Variants in RBM20 observed in about 807,000 individuals in gnomAD.
RBM20 encodes the protein RNA binding motif protein 20, also known as RNA-binding protein 20.
A neutral mutation model predicts 110.1 loss-of-function variants in RBM20; 51 were observed. That is an observed-to-expected ratio of 0.46 (90% confidence interval 0.37 to 0.59). The LOEUF (loss-of-function observed/expected upper bound fraction) is 0.59, where lower values mean the gene tolerates loss of function less well. Among genes scored for constraint, RBM20 ranks in the 20% least tolerant of loss-of-function variants. The pLI, the probability that RBM20 is intolerant of heterozygous loss-of-function variation, is 0.00. For synonymous variants in RBM20, 589 were observed against 618.2 expected (o/e 0.95, Z 0.70); for missense variants, 1,512 against 1,574.9 (o/e 0.96, Z 0.68).
intron 1 of RBM20, among the ~76,000 whole-genome samples, chr10:110,759,075 G>A (rs1186369466): frequency 1.3e-5 from 2 of 152,208 alleles, no homozygotes; most frequent in Admixed American, 6.5e-5. Context: ...ATTCCACATT[G>A]GCTGACTCAC....
intron 1 of RBM20, among the ~76,000 whole-genome samples, chr10:110,740,369 CTTAATGCA>C (rs1356350317): frequency 6.6e-6 from 1 of 152,082 alleles, no homozygotes; most frequent in Non-Finnish European, 1.5e-5. Context: ...TCAGCCAAAC[CTTAATGCA>C]TTGGGCAGAA....
chr10:110,782,735 G>C (rs1224106370), intron 2 of RBM20, among the ~76,000 whole-genome samples: 9 of 152,018 alleles, frequency 5.9e-5, no homozygotes, highest in Admixed American at 5.9e-4. Context: ...TTTAAACACT[G>C]GGCTGTCCTG....
Position 110,780,835 on chromosome 10 carries a change from G to T in RBM20, c.226G>T (p.Val76Phe), listed in dbSNP as rs1166262703. ...GCTCCTGGACAAGAACCCATTCTCG[G>T]TCAGTAACCCGAACCCTCTGCTTCC... is the stretch of plus-strand genomic sequence containing the variant. ...AKLLDKNPFS[V>F]SNPNPLLPSP... is the part of the protein sequence containing the mutation. Residue 76 changes from valine to phenylalanine, a missense_variant, in exon 2 of 14, where the codon GTC (valine) becomes TTC (phenylalanine). By Grantham distance (50) the Val-to-Phe change is conservative. This residue lies in a region of RBM20 where 1,149 missense variants were observed against 1,169.4 expected (regional missense o/e 0.98). Coordinates refer to ENST00000369519, the MANE Select transcript of RBM20 (RefSeq NM_001134363.3). The T allele has an allele frequency of 1.9e-6, 3 of 1,540,024 alleles. No individual in the cohort carries two copies. Among genetic ancestry groups the T allele is most frequent in the East Asian group, 2.5e-5 (1 of 40,734 alleles).
chr10:110,717,821 C>A (rs868736911), intron 1 of RBM20, among the ~76,000 whole-genome samples: 1 of 152,338 alleles, frequency 6.6e-6, no homozygotes, highest in Middle Eastern at 3.4e-3. Flanking sequence ...TCCTCACTCA[C>A]TGGAGTGGGC....
chr10:110,804,861 T>C (rs1043488165), intron 7 of RBM20, among the ~76,000 whole-genome samples: 2 of 152,222 alleles, frequency 1.3e-5, no homozygotes, highest in African/African-American at 4.8e-5. Flanking sequence ...GGGGATTTTT[T>C]GTGGGGGGAG....
At chr10:110,650,030 G>A (rs907505108) in intron 1 of RBM20, among the ~76,000 whole-genome samples, 3 of 152,172 alleles carry the variant, frequency 2.0e-5, no homozygotes, top group Non-Finnish European at 2.9e-5. Flanking sequence ...GGCTCCATGG[G>A]TGGTCACTGT....
At chr10:110,717,579 G>T (rs895655908) in intron 1 of RBM20, among the ~76,000 whole-genome samples, 2 of 152,078 alleles carry the variant, frequency 1.3e-5, no homozygotes, top group African/African-American at 4.8e-5. Context: ...GCTTTGAAGT[G>T]TCTCCCACCT....
chr10:110,684,734 A>G (rs1366681358), intron 1 of RBM20, among the ~76,000 whole-genome samples: 1 of 151,190 alleles, frequency 6.6e-6, no homozygotes. Flanking sequence ...GCACTGGATG[A>G]AAAGTGAGGA....
chr10:110,704,195 T>C (rs1862800454), intron 1 of RBM20, among the ~76,000 whole-genome samples: 1 of 152,218 alleles, frequency 6.6e-6, no homozygotes, highest in Non-Finnish European at 1.5e-5. Context: ...TTCCTGGAGA[T>C]TTATCTAAGT....
chr10:110,721,488 G>A (rs549193778), intron 1 of RBM20, among the ~76,000 whole-genome samples: 4 of 152,218 alleles, frequency 2.6e-5, no homozygotes, highest in African/African-American at 9.6e-5. Context: ...ATGGAGGGAC[G>A]GGACTGGTGA....
chr10:110,829,237 G>T (rs1845018908), intron 12 of RBM20, among the ~76,000 whole-genome samples: 1 of 152,226 alleles, frequency 6.6e-6, no homozygotes, highest in East Asian at 1.9e-4. Context: ...CAGGAAGGAG[G>T]CAGACCTTGC....
Position 110,781,380 on chromosome 10 carries a change from C to A in RBM20, c.771C>A (p.Thr257=). 1 of 1,551,730 alleles carries A rather than the reference C, an allele frequency of 6.4e-7. No individual in the cohort carries two copies. ...GCTTCCTGCCATCCTCGGCCTCAAC[C>A]TCGGGCAGTGTGACCTATGAAGGGC... ...QPGFLPSSAS[T]SGSVTYEGHY... The change falls in exon 2 of 14, where the codon ACC becomes ACA. Residue 257 remains threonine (T), a synonymous_variant. Transcript: ENST00000369519.
At chr10:110,779,606 A>C (rs1021227825) in intron 1 of RBM20, among the ~76,000 whole-genome samples, 8 of 152,160 alleles carry the variant, frequency 5.3e-5, no homozygotes, top group Admixed American at 3.3e-4. Flanking sequence ...TTGACATCCA[A>C]AGTGGGGGGA....
intron 5 of RBM20, among the ~76,000 whole-genome samples, chr10:110,790,567 A>G (rs1385039424): frequency 6.6e-6 from 1 of 152,256 alleles, no homozygotes; most frequent in Non-Finnish European, 1.5e-5. Flanking sequence ...TTATAAGTAT[A>G]TATCTCTCTA....
intron 1 of RBM20, among the ~76,000 whole-genome samples, chr10:110,761,830 G>T (rs1002328850): frequency 6.6e-6 from 1 of 152,234 alleles, no homozygotes; most frequent in African/African-American, 2.4e-5. Context: ...ATAAATAACA[G>T]TATTCATGGG....
intron 8 of RBM20, among the ~76,000 whole-genome samples, chr10:110,811,938 G>A (rs1467274560): frequency 6.6e-6 from 1 of 152,206 alleles, no homozygotes; most frequent in East Asian, 1.9e-4. Flanking sequence ...CAGGAGGAGA[G>A]TCAGAGGTCC....
intron 1 of RBM20, among the ~76,000 whole-genome samples, chr10:110,741,801 C>G (rs77576973): frequency 0.022 from 3,271 of 151,684 alleles, 121 homozygotes; most frequent in African/African-American, 0.076. Context: ...CCCTCCAGGA[C>G]CAGAGTACAT....
At chr10:110,667,702 T>C (rs955071966) in intron 1 of RBM20, among the ~76,000 whole-genome samples, 1 of 152,198 alleles carries the variant, frequency 6.6e-6, no homozygotes, top group Non-Finnish European at 1.5e-5. Context: ...GATCTTTTCA[T>C]TAGCCCTTTA....
At chr10:110,831,666 T>TG (rs1483400580) in intron 13 of RBM20, among the ~76,000 whole-genome samples, 1 of 58,402 alleles carries the variant, frequency 1.7e-5, no homozygotes, top group African/African-American at 5.7e-5. Context: ...CTTGCTAGAA[T>TG]AAAAAAAAAA....
Sources: gnomAD v4.1 joint callset for allele counts (sites outside exome capture counted in the v4.1 genomes callset) on GRCh38, gnomAD v4.1.1 for gene constraint, gnomAD v4.1.1 regional missense constraint, MANE v1.5 for transcripts, NCBI Gene and HGNC (gene_info 2026-07-23, HGNC 2026-07-21) for gene names.